Variants in UNC5D observed in about 807,000 individuals in gnomAD.
UNC5D encodes netrin receptor UNC5D.
Under a neutral mutation model 105.4 loss-of-function variants are expected in UNC5D, and 39 were observed. The observed-to-expected ratio is 0.37, with a 90% CI of 0.29 to 0.48. The LOEUF is 0.48. Ranked by LOEUF, UNC5D falls within the 20% of genes least tolerant of loss-of-function variation. UNC5D has a pLI of 0.98. For missense variants in UNC5D, 991 were observed against 1,202.4 expected, an observed-to-expected ratio of 0.82 and a Z score of 2.60; for synonymous variants, 452 against 450.4, an observed-to-expected ratio of 1.00 and a Z score of -0.04.
intron 11 of UNC5D, among the ~76,000 whole-genome samples, chr8:35,742,263 A>G (rs144698504): frequency 3.3e-5 from 5 of 152,298 alleles, no homozygotes; most frequent in African/African-American, 1.2e-4. Flanking sequence ...AGAAAAAAAA[A>G]AAAGAGAGAG....
intron 1 of UNC5D, among the ~76,000 whole-genome samples, chr8:35,240,163 T>A (rs531402346): frequency 1.3e-5 from 2 of 152,238 alleles, no homozygotes; most frequent in Non-Finnish European, 2.9e-5. Flanking sequence ...TTGCCCAGGT[T>A]GGTCTTGAAC....
chr8:35,241,440 C>T (rs957735271), intron 1 of UNC5D, among the ~76,000 whole-genome samples: 1 of 152,070 alleles, frequency 6.6e-6, no homozygotes, highest in Non-Finnish European at 1.5e-5. Flanking sequence ...CCACCACTCC[C>T]CCCACACCAC....
At chr8:35,667,307 G>A (rs1283813772) in intron 4 of UNC5D, among the ~76,000 whole-genome samples, 2 of 152,146 alleles carry the variant, frequency 1.3e-5, no homozygotes, top group African/African-American at 4.8e-5. Context: ...AGTCAGCTGG[G>A]TGCTGTGTGT....
At position 35,364,692 on chromosome 8, in the gene UNC5D, A is replaced by G. The variant is rs770187074; in HGVS notation, c.103+128805A>G. Among the ~76,000 whole-genome samples, 21 of 152,270 alleles carry G rather than the reference A, an allele frequency of 1.4e-4. 1 individual carries two copies. Among genetic ancestry groups the G allele is most frequent in the Middle Eastern group, 3.4e-3 (1 of 294 alleles). On this transcript the variant is annotated intron_variant, in intron 1 of 16. Coordinates refer to ENST00000404895, the MANE Select transcript of UNC5D (RefSeq NM_080872.4). ...TATACACACATTTGTATACATTTCCATACCTATCAGTATATATACTAAAAT... is the reference window on the plus strand; with the variant it reads ...TATACACACATTTGTATACATTTCCGTACCTATCAGTATATATACTAAAAT...
rs983214800 is a variant in UNC5D at position 35,265,864 on chromosome 8, G to A, written c.103+29977G>A. Among the ~76,000 whole-genome samples the A allele has an allele frequency of 1.2e-4, 12 of 99,718 alleles. No homozygotes were observed. The South Asian group carries it at 1.5e-3, about 12-fold the overall frequency. The allele number at this position is 99,718 out of a possible 152,430, so 65.4% of individuals were successfully genotyped here. ...CAGCCTGAGCGACAGAGCGAGACTC[G>A]TCTCATAATAATAATAATAATAATA... On this transcript the variant is annotated intron_variant, in intron 1 of 16. Coordinates refer to ENST00000404895, the MANE Select transcript of UNC5D (RefSeq NM_080872.4).
chr8:35,737,589 G>A (rs1291728878), intron 11 of UNC5D, among the ~76,000 whole-genome samples: 1 of 152,064 alleles, frequency 6.6e-6, no homozygotes, highest in Non-Finnish European at 1.5e-5. Flanking sequence ...ATCAGCTTTT[G>A]CCACAGCATG....
chr8:35,478,299 G>C (rs1358685217), intron 1 of UNC5D, among the ~76,000 whole-genome samples: 1 of 152,114 alleles, frequency 6.6e-6, no homozygotes, highest in African/African-American at 2.4e-5. Flanking sequence ...TGATGACATT[G>C]TTCTTTCAGG....
Position 35,596,733 on chromosome 8 carries a change from G to C in UNC5D, c.570+1076G>C, listed in dbSNP as rs1054114055. ...GCAGGGAGGGGGCTTCCAGGTCACAGGTAGATAAGGGACAAATGGTTATAT... is the reference window on the plus strand; with the variant it reads ...GCAGGGAGGGGGCTTCCAGGTCACACGTAGATAAGGGACAAATGGTTATAT... On this transcript the variant is annotated intron_variant, in intron 4 of 16. Transcript: ENST00000404895. Among the ~76,000 whole-genome samples the C allele has an allele frequency of 2.0e-4, 30 of 152,164 alleles. 1 individual carries two copies. Among genetic ancestry groups the C allele is most frequent in the Non-Finnish European group, 3.7e-4 (25 of 68,032 alleles).
intron 1 of UNC5D, among the ~76,000 whole-genome samples, chr8:35,243,876 T>C (rs1802938607): frequency 6.6e-6 from 1 of 152,172 alleles, no homozygotes; most frequent in Admixed American, 6.5e-5. Context: ...AAGGCATAAA[T>C]ATTTAGAATA....
chr8:35,746,702 C>A (rs1415500412), intron 11 of UNC5D, among the ~76,000 whole-genome samples: 2 of 152,146 alleles, frequency 1.3e-5, no homozygotes, highest in Non-Finnish European at 2.9e-5. Context: ...AATAATTCCC[C>A]AAATTCCCAT....
intron 1 of UNC5D, among the ~76,000 whole-genome samples, chr8:35,242,387 T>G (rs367870376): frequency 1.9e-4 from 29 of 152,348 alleles, no homozygotes; most frequent in African/African-American, 5.8e-4. Flanking sequence ...AGAAACTGTC[T>G]GAACTACTTC....
intron 4 of UNC5D, among the ~76,000 whole-genome samples, chr8:35,606,310 A>G (rs904621092): frequency 6.6e-6 from 1 of 152,016 alleles, no homozygotes; most frequent in African/African-American, 2.4e-5. Context: ...TGTAATTACA[A>G]CTTACATGAA....
At chr8:35,283,536 C>G (rs541054840) in intron 1 of UNC5D, among the ~76,000 whole-genome samples, 2 of 151,668 alleles carry the variant, frequency 1.3e-5, no homozygotes, top group Non-Finnish European at 2.9e-5. Context: ...CCAGGGCAGG[C>G]GGATCACGAG....
At chr8:35,686,224 T>C (rs909657951) in intron 6 of UNC5D, among the ~76,000 whole-genome samples, 3 of 152,170 alleles carry the variant, frequency 2.0e-5, no homozygotes, top group Non-Finnish European at 4.4e-5. Flanking sequence ...CCACCTAAGA[T>C]GCACTTGGGC....
chr8:35,650,061 T>C (rs76285769), intron 4 of UNC5D, among the ~76,000 whole-genome samples: 1,701 of 152,296 alleles, frequency 0.011, 35 homozygotes, highest in African/African-American at 0.039. Context: ...GTATTGTCTT[T>C]GAAACCTTCA....
chr8:35,342,475 G>T (rs1166570765), intron 1 of UNC5D, among the ~76,000 whole-genome samples: 1 of 152,074 alleles, frequency 6.6e-6, no homozygotes, highest in Non-Finnish European at 1.5e-5. Flanking sequence ...GCAGATAATG[G>T]GAGTACAGAT....
chr8:35,395,962 T>G (rs1804070307), intron 1 of UNC5D, among the ~76,000 whole-genome samples: 1 of 152,176 alleles, frequency 6.6e-6, no homozygotes, highest in Non-Finnish European at 1.5e-5. Context: ...TGACTTTTCC[T>G]GATATGGTGA....
intron 7 of UNC5D, among the ~76,000 whole-genome samples, chr8:35,697,943 A>C (rs1826904416): frequency 1.3e-5 from 2 of 152,022 alleles, no homozygotes; most frequent in South Asian, 4.2e-4. Flanking sequence ...AGTCATCATA[A>C]CAAACACTTC....
chr8:35,277,867 T>C (rs1057406247), intron 1 of UNC5D, among the ~76,000 whole-genome samples: 2 of 152,166 alleles, frequency 1.3e-5, no homozygotes, highest in Non-Finnish European at 2.9e-5. Flanking sequence ...GCAATTACAG[T>C]GGGTTCTTTC....
Sources: gnomAD v4.1 joint callset for allele counts (sites outside exome capture counted in the v4.1 genomes callset) on GRCh38, gnomAD v4.1.1 for gene constraint, MANE v1.5 for transcripts, NCBI Gene and HGNC (gene_info 2026-07-23, HGNC 2026-07-21) for gene names.